SRPK1: variants seen among roughly 807,000 people sequenced by gnomAD.
The protein encoded by SRPK1 is SFRS protein kinase 1.
SRPK1 carries 52 observed loss-of-function variants against 89.5 expected under a neutral mutation model. The observed-to-expected ratio is 0.58, with a 90% confidence interval of 0.46 to 0.73. The LOEUF (loss-of-function observed/expected upper bound fraction) is 0.73, where lower values mean the gene tolerates loss of function less well. SRPK1 is among the 30% of genes least tolerant of loss of function. The pLI is 0.00. For synonymous variants in SRPK1, 255 were observed against 270.2 expected, an observed-to-expected ratio of 0.94 and a Z score of 0.55; for missense variants, 603 against 780.6, an observed-to-expected ratio of 0.77 and a Z score of 2.71.
At chr6:35,853,300 A>G (rs146853778) in intron 13 of SRPK1, among the ~76,000 whole-genome samples, 2 of 152,132 alleles carry the variant, frequency 1.3e-5, no homozygotes, top group Non-Finnish European at 1.5e-5. Flanking sequence ...ACAACAACAA[A>G]AAAAAGAAGT....
chr6:35,908,341 TG>T (rs1248601013), intron 2 of SRPK1, among the ~76,000 whole-genome samples: 21 of 152,220 alleles, frequency 1.4e-4, no homozygotes, highest in African/African-American at 4.8e-4. Flanking sequence ...GATAGTGAGG[TG>T]AACAATGAAG....
At chr6:35,909,384 GC>G (rs1770914923) in intron 2 of SRPK1, among the ~76,000 whole-genome samples, 1 of 152,206 alleles carries the variant, frequency 6.6e-6, no homozygotes, top group Non-Finnish European at 1.5e-5. Context: ...GGGAACATTT[GC>G]CCAATGCCTG....
At chr6:35,878,388 G>C (rs1056144750) in intron 6 of SRPK1, among the ~76,000 whole-genome samples, 1 of 152,204 alleles carries the variant, frequency 6.6e-6, no homozygotes, top group Non-Finnish European at 1.5e-5. Context: ...GGAGTAAGAA[G>C]CCACCAGAAA....
At chr6:35,910,303 T>C (rs1770934147) in intron 2 of SRPK1, among the ~76,000 whole-genome samples, 2 of 152,190 alleles carry the variant, frequency 1.3e-5, no homozygotes, top group African/African-American at 4.8e-5. Context: ...ATTTCTGAGA[T>C]GGAGAAAGTT....
At chr6:35,894,781 GCAGAATAAAGTTTTTCAAATATGGACCAA>G (rs1395684328) in intron 2 of SRPK1, among the ~76,000 whole-genome samples, 4 of 151,982 alleles carry the variant, frequency 2.6e-5, no homozygotes, top group Admixed American at 6.6e-5. Context: ...ACATTTGAGA[GCAGAATAAAGTTTTTCAAATATGGACCAA>G]CATTGAAACT....
chr6:35,868,971 C>G, intron 12 of SRPK1, 39 bp downstream of exon 12: 1 of 1,522,842 alleles, frequency 6.6e-7, no homozygotes, highest in South Asian at 1.2e-5. Flanking sequence ...TTCATCCTCC[C>G]AGTCACTTCA....
intron 2 of SRPK1, among the ~76,000 whole-genome samples, chr6:35,912,884 A>G (rs1363480401): frequency 6.6e-6 from 1 of 152,222 alleles, no homozygotes; most frequent in Non-Finnish European, 1.5e-5. Context: ...CCTGGGCTCA[A>G]GAGATCCTCT....
At position 35,869,895 on chromosome 6, in the gene SRPK1, G is replaced by C; in HGVS notation, c.998C>G (p.Ser333Ter). Residue 333 changes from serine to a stop codon, truncating the protein, a stop_gained, in exon 11 of 16, where the codon TCA becomes TGA. Transcript: ENST00000373825. LOFTEE classifies it high-confidence loss of function. Reference protein sequence around the residue: ...NKMTQEKLEESSTIGQDQTLM... With the variant: ...NKMTQEKLEE ...CGTTTGATCCTGGCCAATGGTACTTGACTCTTCTAAGGAACAAACGAACAA... is the reference window on the plus strand; with the variant it reads ...CGTTTGATCCTGGCCAATGGTACTTCACTCTTCTAAGGAACAAACGAACAA... 6 of 1,559,076 alleles carry C rather than the reference G, an allele frequency of 3.8e-6. No homozygotes were observed. The highest frequency in any genetic ancestry group is 5.2e-6 in the Non-Finnish European group (6 of 1,155,734).
chr6:35,881,452 TATAGATATAG>T (rs1018724461), intron 6 of SRPK1, among the ~76,000 whole-genome samples: 4 of 151,160 alleles, frequency 2.6e-5, no homozygotes, highest in East Asian at 1.9e-4. Context: ...TAGATATAGA[TATAGATATAG>T]ATATAGATAT....
intron 2 of SRPK1, among the ~76,000 whole-genome samples, chr6:35,897,031 G>C (rs1207095802): frequency 6.6e-6 from 1 of 152,182 alleles, no homozygotes; most frequent in Admixed American, 6.5e-5. Flanking sequence ...ACAGAAAGTA[G>C]ATTAGCGGTT....
chr6:35,848,921 T>C (rs896713617), intron 13 of SRPK1, among the ~76,000 whole-genome samples: 10 of 152,196 alleles, frequency 6.6e-5, no homozygotes, highest in Non-Finnish European at 1.3e-4. Context: ...CCACATGACA[T>C]TGGTCTGAGC....
chr6:35,879,519 G>A, intron 6 of SRPK1, among the ~76,000 whole-genome samples: 1 of 152,080 alleles, frequency 6.6e-6, no homozygotes, highest in East Asian at 1.9e-4. Flanking sequence ...CTGTACTCCA[G>A]CCTTGGCAAG....
chr6:35,851,541 A>G (rs1010834658), intron 13 of SRPK1, among the ~76,000 whole-genome samples: 3 of 152,184 alleles, frequency 2.0e-5, no homozygotes, highest in African/African-American at 7.2e-5. Flanking sequence ...GACAAAGGAA[A>G]AAGAATTAAG....
intron 13 of SRPK1, among the ~76,000 whole-genome samples, chr6:35,849,327 A>G (rs1480960542): frequency 1.3e-5 from 2 of 152,208 alleles, no homozygotes; most frequent in African/African-American, 4.8e-5. Flanking sequence ...GTTATCACAA[A>G]GACGAAATAT....
At chr6:35,885,286 CACACACACACACAGAGAG>C (rs1770380380) in intron 6 of SRPK1, among the ~76,000 whole-genome samples, 8 of 135,440 alleles carry the variant, frequency 5.9e-5, no homozygotes, top group East Asian at 2.0e-4. Flanking sequence ...CACACACACA[CACACACACACACAGAGAG>C]AGAGAGAGAG....
intron 6 of SRPK1, among the ~76,000 whole-genome samples, chr6:35,877,684 T>C (rs769098138): frequency 2.0e-5 from 3 of 151,654 alleles, no homozygotes; most frequent in Non-Finnish European, 2.9e-5. Flanking sequence ...CTACTAAAAA[T>C]ACAAAAAAAC....
chr6:35,859,625 A>G (rs1769737064), intron 12 of SRPK1, among the ~76,000 whole-genome samples: 1 of 152,170 alleles, frequency 6.6e-6, no homozygotes, highest in Admixed American at 6.5e-5. Flanking sequence ...TGTAGTTCAA[A>G]CCTATGTTGT....
chr6:35,908,791 C>T (rs1401161842), intron 2 of SRPK1, among the ~76,000 whole-genome samples: 1 of 152,178 alleles, frequency 6.6e-6, no homozygotes, highest in Non-Finnish European at 1.5e-5. Context: ...TCATCACAGA[C>T]TCAGAGGCTT....
At chr6:35,908,754 T>C (rs972896866) in intron 2 of SRPK1, among the ~76,000 whole-genome samples, 1 of 152,086 alleles carries the variant, frequency 6.6e-6, no homozygotes, top group East Asian at 1.9e-4. Flanking sequence ...CGTCAGGGCA[T>C]GTCAGAGATC....
Sources: gnomAD v4.1 joint callset for allele counts (sites outside exome capture counted in the v4.1 genomes callset) on GRCh38, gnomAD v4.1.1 for gene constraint, MANE v1.5 for transcripts, NCBI Gene and HGNC (gene_info 2026-07-23, HGNC 2026-07-21) for gene names.